Variants in MCTP1 observed in about 807,000 individuals in gnomAD.
The protein encoded by MCTP1 is multiple C2 and transmembrane domain-containing protein 1.
Under a neutral mutation model 120.6 loss-of-function variants are expected in MCTP1, and 69 were observed. That is an observed-to-expected ratio of 0.57 (90% CI 0.47 to 0.70). The LOEUF (loss-of-function observed/expected upper bound fraction) is 0.70. MCTP1 is among the 30% of genes least tolerant of loss of function. The pLI is 0.00. For missense variants in MCTP1, 1,203 were observed against 1,248.8 expected, an observed-to-expected ratio of 0.96 and a Z score of 0.55; for synonymous variants, 529 against 493.1, an observed-to-expected ratio of 1.07 and a Z score of -0.96.
intron 1 of MCTP1, among the ~76,000 whole-genome samples, chr5:95,048,599 C>T (rs1413600831): frequency 2.0e-5 from 3 of 152,066 alleles, no homozygotes; most frequent in Non-Finnish European, 4.4e-5. Context: ...TAAAGGACAC[C>T]AAAGAAATAC....
intron 1 of MCTP1, among the ~76,000 whole-genome samples, chr5:95,268,101 G>A (rs772944526): frequency 6.6e-6 from 1 of 152,180 alleles, no homozygotes; most frequent in Non-Finnish European, 1.5e-5. Context: ...ACAATTCTCT[G>A]TACTCCTCTG....
intron 19 of MCTP1, among the ~76,000 whole-genome samples, chr5:94,740,474 G>A (rs1765262146): frequency 6.6e-6 from 1 of 152,184 alleles, no homozygotes; most frequent in Non-Finnish European, 1.5e-5. Flanking sequence ...TAGAAGTTAA[G>A]TGGCTCAAAA....
chr5:95,158,209 A>G (rs917794246), intron 1 of MCTP1, among the ~76,000 whole-genome samples: 2 of 152,212 alleles, frequency 1.3e-5, no homozygotes, highest in Non-Finnish European at 2.9e-5. Flanking sequence ...TTTTGTAAAC[A>G]TTCTTAAAAT....
chr5:94,777,927 C>CGTGTGTGTGTGTGTGTGTGT (rs71615135), intron 19 of MCTP1, among the ~76,000 whole-genome samples: 9 of 148,848 alleles, frequency 6.0e-5, no homozygotes, highest in African/African-American at 2.2e-4. Flanking sequence ...AGAAAGTGTG[C>CGTGTGTGTGTGTGTGTGTGT]GTGTGTGTGT....
At chr5:95,225,962 T>G (rs776615646) in intron 1 of MCTP1, among the ~76,000 whole-genome samples, 5 of 152,180 alleles carry the variant, frequency 3.3e-5, no homozygotes, top group African/African-American at 4.8e-5. Flanking sequence ...GTGACCCTAT[T>G]CCCTAAGAGA....
At chr5:95,143,325 C>G (rs2152443694) in intron 1 of MCTP1, among the ~76,000 whole-genome samples, 1 of 152,194 alleles carries the variant, frequency 6.6e-6, no homozygotes, top group East Asian at 1.9e-4. Context: ...AACAACACAT[C>G]TTGCTGTAAA....
chr5:95,113,435 T>C (rs907103585), intron 1 of MCTP1, among the ~76,000 whole-genome samples: 26 of 151,960 alleles, frequency 1.7e-4, no homozygotes, highest in African/African-American at 6.0e-4. Context: ...CCCCAAGCAG[T>C]GGCTGCATGG....
At chr5:95,062,552 G>A (rs1438976713) in intron 1 of MCTP1, among the ~76,000 whole-genome samples, 1 of 152,158 alleles carries the variant, frequency 6.6e-6, no homozygotes, top group Non-Finnish European at 1.5e-5. Flanking sequence ...AGATTAAGAG[G>A]ATGGTATTTT....
At chr5:94,819,604 G>T (rs1785218101) in intron 17 of MCTP1, among the ~76,000 whole-genome samples, 1 of 152,156 alleles carries the variant, frequency 6.6e-6, no homozygotes, top group Non-Finnish European at 1.5e-5. Flanking sequence ...TCAATTCTAA[G>T]GGTAGACAAT....
chr5:94,855,740 G>A (rs1390467352), intron 17 of MCTP1, among the ~76,000 whole-genome samples: 1 of 151,690 alleles, frequency 6.6e-6, no homozygotes, highest in Non-Finnish European at 1.5e-5. Flanking sequence ...ACGTAATCGT[G>A]ACTTAATGGC....
chr5:94,998,692 CTG>C (rs1833081156), intron 2 of MCTP1, among the ~76,000 whole-genome samples: 1 of 152,174 alleles, frequency 6.6e-6, no homozygotes, highest in Non-Finnish European at 1.5e-5. Context: ...ATTGCAGAGA[CTG>C]TGCACAAAAT....
intron 18 of MCTP1, among the ~76,000 whole-genome samples, chr5:94,779,428 C>T (rs1288354803): frequency 1.3e-5 from 2 of 151,986 alleles, no homozygotes; most frequent in East Asian, 3.9e-4. Flanking sequence ...TAAGGTAAAC[C>T]AATATTAATT....
chr5:94,916,068 TTTC>T (rs1165539547), intron 8 of MCTP1, among the ~76,000 whole-genome samples: 1 of 152,190 alleles, frequency 6.6e-6, no homozygotes, highest in Non-Finnish European at 1.5e-5. Flanking sequence ...TAAGTGATGT[TTTC>T]TTCTTCAATA....
In MCTP1 at chr5:94,957,929, A is replaced by G. The variant is rs570360522; in HGVS notation, c.839-4568T>C. On this transcript the variant is annotated intron_variant, in intron 2 of 22. Coordinates refer to ENST00000515393, the MANE Select transcript of MCTP1 (RefSeq NM_024717.7). Reference sequence around the variant, plus strand: ...TCTGGACTAAGTGGACCTAATAGACATCTACAGAATTCTCCACCCCAGATC... The same window carrying G: ...TCTGGACTAAGTGGACCTAATAGACGTCTACAGAATTCTCCACCCCAGATC... 2.0e-5 allele frequency among the ~76,000 whole-genome samples: 3 copies of G among 152,368 alleles called. No homozygotes were observed. In the East Asian group the frequency reaches 5.8e-4, roughly 29 times the overall value.
intron 19 of MCTP1, among the ~76,000 whole-genome samples, chr5:94,770,061 TA>T (rs1017746066): frequency 6.6e-6 from 1 of 152,210 alleles, no homozygotes; most frequent in African/African-American, 2.4e-5. Flanking sequence ...TCAATGTCTT[TA>T]AAATGGTGAA....
chr5:94,906,303 T>C (rs1302038222), intron 10 of MCTP1, among the ~76,000 whole-genome samples: 2 of 152,060 alleles, frequency 1.3e-5, no homozygotes, highest in Non-Finnish European at 2.9e-5. Context: ...CTTGGCAGCA[T>C]GGCAAAACGC....
rs867771544 is a variant in MCTP1, at chr5:94,965,863, G to A, written c.839-12502C>T. Among the ~76,000 whole-genome samples, 5 of 152,100 alleles carry A rather than the reference G, an allele frequency of 3.3e-5. 1 individual carries two copies. The highest frequency in any genetic ancestry group is 4.1e-4 in the South Asian group (2 of 4,830). On this transcript the variant is annotated intron_variant, in intron 2 of 22. Transcript: ENST00000515393. The stretch of plus-strand genomic sequence containing the variant: ...TTTCCCCTTCTGTCTCTTCTGCCAC[G>A]TGAGGACACAATGTTTTTTCCTTTC...
Position 95,076,027 on chromosome 5 carries a change from C to G in MCTP1, c.721-58543G>C, listed in dbSNP as rs1368263251. On this transcript the variant is annotated intron_variant, in intron 1 of 22. Transcript: ENST00000515393. Reference sequence around the variant, plus strand: ...CCTCAGGAAATATGTTAGAACACCCCCAGTGGACGCCTGAAACAGTGGATT... The same window carrying G: ...CCTCAGGAAATATGTTAGAACACCCGCAGTGGACGCCTGAAACAGTGGATT... 7.2e-5 allele frequency among the ~76,000 whole-genome samples: 11 copies of G among 152,204 alleles called. No homozygotes were observed. The East Asian group carries it at 2.1e-3, about 29-fold the overall frequency.
intron 17 of MCTP1, among the ~76,000 whole-genome samples, chr5:94,822,460 T>G (rs1785900512): frequency 6.6e-6 from 1 of 152,242 alleles, no homozygotes; most frequent in South Asian, 2.1e-4. Flanking sequence ...AGTCTAACAT[T>G]GATGGGCATT....
Sources: gnomAD v4.1 joint callset for allele counts (sites outside exome capture counted in the v4.1 genomes callset) on GRCh38, gnomAD v4.1.1 for gene constraint, MANE v1.5 for transcripts, NCBI Gene and HGNC (gene_info 2026-07-23, HGNC 2026-07-21) for gene names.